Variants in APLP2 observed in about 807,000 individuals in gnomAD.
APLP2 encodes CDEI box-binding protein.
APLP2 carries 53 observed loss-of-function variants against 89.9 expected under a neutral mutation model. That is an observed-to-expected ratio of 0.59 (90% CI 0.47 to 0.74). The LOEUF (loss-of-function observed/expected upper bound fraction) is 0.74. APLP2 is among the 30% of genes least tolerant of loss of function. The pLI is 0.00. For missense variants in APLP2, 973 were observed against 975.9 expected (o/e 1.00, Z 0.04); for synonymous variants, 372 against 348.6 (o/e 1.07, Z -0.75).
intron 13 of APLP2, chr11:130,137,239 G>A: frequency 6.2e-7 from 1 of 1,613,198 alleles, no homozygotes; most frequent in East Asian, 2.2e-5. Context: ...GTTTTTTATT[G>A]TTTTCCTTTC....
At chr11:130,070,758 C>T (rs974901131) in intron 1 of APLP2, 2 of 1,419,078 alleles carry the variant, frequency 1.4e-6, no homozygotes, top group Middle Eastern at 1.8e-4. Context: ...GTGCGTTGAC[C>T]GCTTTCGTGA....
At chr11:130,090,247 CTTTTTTT>C (rs539249012) in intron 1 of APLP2, among the ~76,000 whole-genome samples, 13 of 86,116 alleles carry the variant, frequency 1.5e-4, no homozygotes, top group African/African-American at 3.5e-4. Flanking sequence ...CTAGCTCTGT[CTTTTTTT>C]TTTTTTTTTT....
At chr11:130,130,270 A>AGCAGT in intron 11 of APLP2, 104 bp downstream of exon 11, 1 of 1,454,794 alleles carries the variant, frequency 6.9e-7, no homozygotes, top group Non-Finnish European at 9.5e-7. Context: ...ATTTGCTACT[A>AGCAGT]GTCCTTAGAA....
chr11:130,078,425 A>G (rs1240264919), intron 1 of APLP2, among the ~76,000 whole-genome samples: 1 of 148,540 alleles, frequency 6.7e-6, no homozygotes, highest in South Asian at 2.1e-4. Context: ...TTTCACTCTT[A>G]GTGATGTCTT....
At chr11:130,138,519 T>G (rs185393519) in intron 13 of APLP2, among the ~76,000 whole-genome samples, 1 of 152,152 alleles carries the variant, frequency 6.6e-6, no homozygotes, top group African/African-American at 2.4e-5. Context: ...CACTTGTTTA[T>G]GTTAAGAAAC....
chr11:130,128,941 C>A (rs1410439842), intron 9 of APLP2, 107 bp from the exon 10 acceptor site: 100 of 1,268,202 alleles, frequency 7.9e-5, no homozygotes, highest in Non-Finnish European at 9.6e-5. Context: ...GAACCTGTTA[C>A]TGTCTCGCAT....
intron 13 of APLP2, among the ~76,000 whole-genome samples, chr11:130,137,884 A>G (rs373690928): frequency 7.2e-5 from 11 of 152,246 alleles, no homozygotes; most frequent in Admixed American, 6.5e-4. Context: ...ACGTTCCGTA[A>G]AGCACTATGT....
intron 1 of APLP2, among the ~76,000 whole-genome samples, chr11:130,081,865 C>A (rs138238541): frequency 1.0e-3 from 154 of 152,192 alleles, no homozygotes; most frequent in African/African-American, 3.4e-3. Context: ...AAAAAAAAAT[C>A]ATTGTAGCTA....
At chr11:130,082,014 C>G (rs1024777527) in intron 1 of APLP2, among the ~76,000 whole-genome samples, 3 of 152,140 alleles carry the variant, frequency 2.0e-5, no homozygotes, top group African/African-American at 7.2e-5. Context: ...ATGTAGGGCA[C>G]CGTGACAGAA....
At chr11:130,086,178 AT>A (rs1944089879) in intron 1 of APLP2, among the ~76,000 whole-genome samples, 1 of 152,244 alleles carries the variant, frequency 6.6e-6, no homozygotes, top group Non-Finnish European at 1.5e-5. Context: ...AAAGGTTCCA[AT>A]TTCTCCACAT....
chr11:130,074,102 A>G (rs939604046), intron 1 of APLP2, among the ~76,000 whole-genome samples: 5 of 152,204 alleles, frequency 3.3e-5, no homozygotes, highest in Admixed American at 6.5e-5. Context: ...ACCTAATGAA[A>G]TTTAACATTG....
chr11:130,091,300 G>A (rs1292458304), intron 1 of APLP2, among the ~76,000 whole-genome samples: 2 of 141,342 alleles, frequency 1.4e-5, no homozygotes, highest in East Asian at 2.3e-4. Context: ...CGGACGGGGC[G>A]GCTGGCCGGG....
chr11:130,081,267 A>G (rs912339380), intron 1 of APLP2, among the ~76,000 whole-genome samples: 3 of 152,140 alleles, frequency 2.0e-5, no homozygotes, highest in Non-Finnish European at 2.9e-5. Context: ...ACACTCTGCA[A>G]TTTTAAATGT....
chr11:130,131,363 T>C (rs1950922402), intron 11 of APLP2, among the ~76,000 whole-genome samples: 1 of 152,166 alleles, frequency 6.6e-6, no homozygotes, highest in Admixed American at 6.5e-5. Flanking sequence ...CCTCCCAAAG[T>C]TCTAGGATTA....
intron 1 of APLP2, among the ~76,000 whole-genome samples, chr11:130,084,998 C>T (rs765685630): frequency 3.9e-5 from 6 of 152,060 alleles, no homozygotes; most frequent in Non-Finnish European, 7.4e-5. Context: ...TAAAAAGTAT[C>T]GTGAGACTAT....
chr11:130,127,662 T>C lies in APLP2; in HGVS notation c.1222-104T>C, dbSNP rs1346053139. On this transcript the variant is annotated intron_variant, in intron 8 of 16. Coordinates refer to ENST00000338167, the MANE Select transcript of APLP2 (RefSeq NM_001142276.2). ...AGAGATTGTGTGATTGGTTTCCTTT[T>C]GCAGTTTCCTGTGAGATTTAGCATC... The C allele has an allele frequency of 2.0e-5, 19 of 942,486 alleles. No individual in the cohort carries two copies. In the East Asian group the frequency reaches 4.4e-4, roughly 22 times the overall value. The allele number at this position is 942,486 out of a possible 1,614,324, so 58.4% of individuals were successfully genotyped here.
chr11:130,143,140 T>C (rs942036996), intron 16 of APLP2, among the ~76,000 whole-genome samples: 1 of 152,204 alleles, frequency 6.6e-6, no homozygotes, highest in African/African-American at 2.4e-5. Context: ...TTCAGGGCTC[T>C]CGTTTCGAAA....
intron 1 of APLP2, among the ~76,000 whole-genome samples, chr11:130,098,939 C>T (rs943345168): frequency 6.6e-6 from 1 of 152,042 alleles, no homozygotes; most frequent in African/African-American, 2.4e-5. Flanking sequence ...ATGAGTAGTA[C>T]TTCTGAGTGT....
In APLP2 at chr11:130,105,004, C is replaced by G. The variant is rs1406813891; in HGVS notation, c.106-4425C>G. On this transcript the variant is annotated intron_variant, in intron 1 of 16. Transcript: ENST00000338167. ...TGGTAAATTGGTCCTGGAAAAAGAC[C>G]ATAATATATTTCACAATCAAATTTA... is the stretch of plus-strand genomic sequence containing the variant. 2.6e-5 allele frequency among the ~76,000 whole-genome samples: 4 copies of G among 152,252 alleles called. No homozygotes were observed. The East Asian group carries it at 5.8e-4, about 22-fold the overall frequency.
Sources: gnomAD v4.1 joint callset for allele counts (sites outside exome capture counted in the v4.1 genomes callset) on GRCh38, gnomAD v4.1.1 for gene constraint, MANE v1.5 for transcripts, NCBI Gene and HGNC (gene_info 2026-07-23, HGNC 2026-07-21) for gene names.